EXOSC7: variants seen among roughly 807,000 people sequenced by gnomAD.
The protein encoded by EXOSC7 is exosome complex component RRP42.
A neutral mutation model predicts 34.3 loss-of-function variants in EXOSC7; 25 were observed. That is an observed-to-expected ratio of 0.73 (90% CI 0.53 to 1.02). EXOSC7 has a LOEUF of 1.02. Among genes scored for constraint, EXOSC7 ranks in the 50% least tolerant of loss-of-function variants. The probability of loss-of-function intolerance (pLI) is 0.00; values close to 1 mark genes in which losing one functional copy is unlikely to be tolerated. For missense variants in EXOSC7, 370 were observed against 368.5 expected, an observed-to-expected ratio of 1.00 and a Z score of -0.03; for synonymous variants, 130 against 143.0, an observed-to-expected ratio of 0.91 and a Z score of 0.65.
chr3:45,006,252 A>G (rs1029707012), intron 6 of EXOSC7, among the ~76,000 whole-genome samples: 5 of 148,786 alleles, frequency 3.4e-5, no homozygotes, highest in African/African-American at 9.9e-5. Flanking sequence ...TAATTTTTGT[A>G]TTTTTAGTAG....
Position 45,011,243 on chromosome 3 carries a change from G to T in EXOSC7, c.780G>T (p.Lys260Asn). ...CCGTCCCTTCTCCACAGACTGGCAA[G>T]CGTGTGGGCAAGGTACTGCATGCCT... ...ESIFEMMETG[K>N]RVGKVLHASL... Residue 260 changes from lysine to asparagine, a missense_variant, in exon 8 of 8, where the codon AAG (lysine) becomes AAT (asparagine). By Grantham distance (94) the Lys-to-Asn change is moderately conservative. Around this residue, in one of 3 missense-constraint regions of EXOSC7, gnomAD observed 255 missense variants for 246.4 expected, o/e 1.03. Coordinates refer to ENST00000265564, the MANE Select transcript of EXOSC7 (RefSeq NM_015004.4). The T allele has an allele frequency of 6.2e-7, 1 of 1,610,316 alleles. No homozygotes were observed. Among genetic ancestry groups the T allele is most frequent in the South Asian group, 1.1e-5 (1 of 90,396 alleles).
intron 4 of EXOSC7, among the ~76,000 whole-genome samples, chr3:44,998,971 C>A (rs1025826994): frequency 2.6e-5 from 4 of 152,150 alleles, no homozygotes; most frequent in Admixed American, 2.0e-4. Context: ...AAGTTTATGT[C>A]CCCTCCCCTC....
At chr3:45,010,751 G>A (rs1271805976) in intron 7 of EXOSC7, among the ~76,000 whole-genome samples, 1 of 152,194 alleles carries the variant, frequency 6.6e-6, no homozygotes, top group African/African-American at 2.4e-5. Context: ...CACCTGAGCA[G>A]TTCTGCTTAG....
At chr3:44,977,458 G>T (rs775272887) in intron 1 of EXOSC7, 1 of 152,184 alleles carries the variant, frequency 6.6e-6, no homozygotes, top group Admixed American at 6.5e-5. Context: ...GTGACCTGCC[G>T]TTATCTTCTG....
intron 7 of EXOSC7, among the ~76,000 whole-genome samples, 154 bp downstream of exon 7, chr3:45,007,729 G>C (rs1299716389): frequency 6.6e-6 from 1 of 152,192 alleles, no homozygotes; most frequent in African/African-American, 2.4e-5. Context: ...GGGGTCTGCT[G>C]ACCTAATCAA....
chr3:44,979,128 A>G (rs1324825047), intron 1 of EXOSC7, among the ~76,000 whole-genome samples: 1 of 152,192 alleles, frequency 6.6e-6, no homozygotes, highest in Non-Finnish European at 1.5e-5. Flanking sequence ...TTGGCCCAAA[A>G]TATGCCATAT....
At chr3:44,995,649 T>G (rs1325500857) in intron 3 of EXOSC7, among the ~76,000 whole-genome samples, 2 of 152,232 alleles carry the variant, frequency 1.3e-5, no homozygotes, top group African/African-American at 4.8e-5. Flanking sequence ...CTTGGCTCAG[T>G]GCCTGAGTCC....
intron 7 of EXOSC7, among the ~76,000 whole-genome samples, chr3:45,008,279 A>G (rs1445309821): frequency 1.3e-5 from 2 of 152,222 alleles, no homozygotes; most frequent in Non-Finnish European, 1.5e-5. Context: ...ACTTCCAGGA[A>G]CAGAGTTAGC....
Position 44,994,262 on chromosome 3 carries a change from A to T in EXOSC7, c.255-2825A>T, listed in dbSNP as rs973384655. Among the ~76,000 whole-genome samples the T allele has an allele frequency of 3.2e-3, 283 of 87,816 alleles. 5 individuals carry two copies. The East Asian group carries it at 0.12, about 36-fold the overall frequency. 57.6% of individuals were successfully genotyped at this position (87,816 alleles called of 152,430 possible). ...CTAAACATTAAAAAAAAAAAAAAAA[A>T]GATAAGGTCTCCCTTCTTGTAAAAT... On this transcript the variant is annotated intron_variant, in intron 3 of 7. Coordinates refer to ENST00000265564, the MANE Select transcript of EXOSC7 (RefSeq NM_015004.4).
chr3:44,976,295 G>C lies in EXOSC7; in HGVS notation c.18G>C (p.Leu6=). ...TCGGCAGCATGGCGTCCGTGACGCT[G>C]AGCGAGGCGGAGAAGGTGTACATCG... MASVT[L]SEAEKVYIVH... Residue 6 remains leucine, a synonymous_variant, in exon 1 of 8, where the codon CTG becomes CTC. Transcript: ENST00000265564. 2.6e-6 allele frequency: 4 copies of C among 1,562,118 alleles called. No individual in the cohort carries two copies. The highest frequency in any genetic ancestry group is 3.4e-6 in the Non-Finnish European group (4 of 1,161,104).
chr3:45,001,840 A>G (rs1706891303), intron 5 of EXOSC7: 1 of 440,870 alleles, frequency 2.3e-6, no homozygotes, highest in South Asian at 3.8e-5. Flanking sequence ...TTTTATAAAT[A>G]GACACCTACC....
chr3:45,007,403 G>A lies in EXOSC7; in HGVS notation c.616-17G>A, dbSNP rs778249771. On this transcript the variant is annotated splice_polypyrimidine_tract_variant and intron_variant, in intron 6 of 7. Transcript: ENST00000265564. ...GCCTGCGTGACCCACCGTGTGCCAC[G>A]CACCCTGCCTTTGCAGATTGGCTAT... The A allele has an allele frequency of 6.2e-6, 10 of 1,613,452 alleles. No individual in the cohort carries two copies. The highest frequency in any genetic ancestry group is 1.7e-5 in the Admixed American group (1 of 59,942).
intron 4 of EXOSC7, among the ~76,000 whole-genome samples, chr3:45,001,332 A>G (rs1706872680): frequency 6.6e-6 from 1 of 151,910 alleles, no homozygotes; most frequent in African/African-American, 2.4e-5. Flanking sequence ...AATCCCAGCT[A>G]TTCGGGAGGC....
intron 1 of EXOSC7, among the ~76,000 whole-genome samples, chr3:44,985,632 A>G (rs1048758390): frequency 1.3e-5 from 2 of 152,170 alleles, no homozygotes; most frequent in African/African-American, 4.8e-5. Context: ...TGAGTGTTAC[A>G]GCTCATAAAG....
Position 44,976,287 on chromosome 3 carries a change from G to T in EXOSC7, c.10G>T (p.Val4Leu). 6.4e-7 allele frequency: 1 copy of T among 1,561,334 alleles called. No homozygotes were observed. Among genetic ancestry groups the T allele is most frequent in the Non-Finnish European group, 8.6e-7 (1 of 1,160,420 alleles). The change falls in exon 1 of 8, where the codon GTG becomes TTG. Residue 4 changes from valine to leucine, a missense_variant. Physicochemically the swap from Val to Leu is conservative, Grantham distance 32 (BLOSUM62 1). This residue lies in a region of EXOSC7 where 95 missense variants were observed against 79.8 expected (regional missense o/e 1.19). Transcript: ENST00000265564. ...GGGGCAGCTCGGCAGCATGGCGTCCGTGACGCTGAGCGAGGCGGAGAAGGT... is the reference window on the plus strand; with the variant it reads ...GGGGCAGCTCGGCAGCATGGCGTCCTTGACGCTGAGCGAGGCGGAGAAGGT... MAS[V>L]TLSEAEKVYI...
At chr3:45,002,524 A>C (rs1200719751) in intron 5 of EXOSC7, among the ~76,000 whole-genome samples, 1 of 152,150 alleles carries the variant, frequency 6.6e-6, no homozygotes, top group Non-Finnish European at 1.5e-5. Context: ...TTAATATGGA[A>C]AATAGTTCAC....
rs903207538 is a variant in EXOSC7 at position 44,989,051 on chromosome 3, A to C, written c.58-89A>C. On this transcript the variant is annotated intron_variant, in intron 1 of 7. Transcript: ENST00000265564. ...TAAGAGGAAAAGAGATATTCTGCAT[A>C]TATCTTCTCTAGGGGGAAAATGGGT... The C allele has an allele frequency of 7.2e-6, 6 of 829,074 alleles. No individual in the cohort carries two copies. In the African/African-American group the frequency reaches 1.0e-4, roughly 14 times the overall value. The allele number at this position is 829,074 out of a possible 1,614,324, so 51.4% of individuals were successfully genotyped here. A position where few individuals can be genotyped will look rare whatever the true frequency, so the allele number is the denominator to read the frequency against.
intron 5 of EXOSC7, among the ~76,000 whole-genome samples, chr3:45,003,482 A>G (rs1314898701): frequency 2.0e-5 from 3 of 152,182 alleles, no homozygotes; most frequent in Non-Finnish European, 4.4e-5. Context: ...CCTTGTCAAC[A>G]TTCTCTGGCT....
At chr3:44,991,749 A>G (rs1335026691) in intron 3 of EXOSC7, among the ~76,000 whole-genome samples, 2 of 152,178 alleles carry the variant, frequency 1.3e-5, no homozygotes, top group Non-Finnish European at 2.9e-5. Flanking sequence ...GAAGTAGCCT[A>G]TCTTTCCTGG....
Sources: gnomAD v4.1 joint callset for allele counts (sites outside exome capture counted in the v4.1 genomes callset) on GRCh38, gnomAD v4.1.1 for gene constraint, gnomAD v4.1.1 regional missense constraint, MANE v1.5 for transcripts, NCBI Gene and HGNC (gene_info 2026-07-23, HGNC 2026-07-21) for gene names.